CDH1: variants seen among roughly 807,000 people sequenced by gnomAD.
CDH1 encodes the protein cadherin 1.
Under a neutral mutation model 84.5 loss-of-function variants are expected in CDH1, and 35 were observed. The ratio of observed to expected loss-of-function variants is 0.41; its 90% confidence interval spans 0.32 to 0.55. The LOEUF is 0.55. Among genes scored for constraint, CDH1 ranks in the 20% least tolerant of loss-of-function variants. The pLI is 0.19. For missense variants in CDH1, 994 were observed against 1,126.6 expected, an observed-to-expected ratio of 0.88 and a Z score of 1.68; for synonymous variants, 417 against 439.0, an observed-to-expected ratio of 0.95 and a Z score of 0.63.
chr16:68,777,534 C>CTT (rs71148949), intron 2 of CDH1, among the ~76,000 whole-genome samples: 3,629 of 76,662 alleles, frequency 0.047, 173 homozygotes, highest in Middle Eastern at 0.069. Context: ...GTAATGTTTC[C>CTT]TTTTTTTTTT....
At chr16:68,794,851 TA>T (rs1385618107) in intron 2 of CDH1, among the ~76,000 whole-genome samples, 2 of 117,520 alleles carry the variant, frequency 1.7e-5, no homozygotes, top group Admixed American at 1.6e-4. Flanking sequence ...CATGCCCAGC[TA>T]TTTTTTTTTT....
intron 2 of CDH1, among the ~76,000 whole-genome samples, chr16:68,761,693 G>A (rs1959227674): frequency 6.6e-6 from 1 of 152,130 alleles, no homozygotes; most frequent in African/African-American, 2.4e-5. Flanking sequence ...TCACTGAAGG[G>A]GGACATTTGA....
In CDH1 at chr16:68,833,847, T is replaced by C; in HGVS notation, c.*348T>C. On this transcript the variant is annotated 3_prime_UTR_variant, in exon 16 of 16. Transcript: ENST00000261769. ...ATTTTCTTAAGGAATTTTGTCTCAC[T>C]TTTAAAAAGAAGGGGAGAAGTCAGC... 2.6e-6 allele frequency: 1 copy of C among 390,754 alleles called. No individual in the cohort carries two copies. The highest frequency in any genetic ancestry group is 4.7e-6 in the Non-Finnish European group (1 of 212,674). 24.2% of individuals were successfully genotyped at this position (390,754 alleles called of 1,614,324 possible). A position where few individuals can be genotyped will look rare whatever the true frequency, so the allele number is the denominator to read the frequency against.
chr16:68,819,249 A>G (rs749073636), intron 10 of CDH1, 31 bp from the exon 11 acceptor site: 57 of 1,613,830 alleles, frequency 3.5e-5, no homozygotes, highest in Non-Finnish European at 4.4e-5. Context: ...TGCTGGTCCT[A>G]TTCTAAAAGC....
intron 2 of CDH1, among the ~76,000 whole-genome samples, chr16:68,745,560 A>ATATGTATATATATATG (rs1962708430): frequency 7.6e-6 from 1 of 132,418 alleles, no homozygotes. Context: ...ATATATATAT[A>ATATGTATATATATATG]TATGTATATA....
At chr16:68,742,199 T>C (rs532245466) in intron 2 of CDH1, among the ~76,000 whole-genome samples, 14 of 152,324 alleles carry the variant, frequency 9.2e-5, no homozygotes, top group Non-Finnish European at 1.9e-4. Flanking sequence ...GGGCCTATAT[T>C]TCAGTGTTGA....
At chr16:68,824,320 C>T (rs1961261663) in intron 13 of CDH1, among the ~76,000 whole-genome samples, 4 of 152,092 alleles carry the variant, frequency 2.6e-5, no homozygotes, top group Admixed American at 2.6e-4. Context: ...CTAACCAGCT[C>T]CCAGGCGGTA....
intron 9 of CDH1, 125 bp from the exon 10 acceptor site, chr16:68,815,390 G>T: frequency 7.8e-7 from 1 of 1,274,018 alleles, no homozygotes; most frequent in South Asian, 1.4e-5. Flanking sequence ...AGTCATGGCA[G>T]AAACCACAGT....
At position 68,756,136 on chromosome 16, in the gene CDH1, T is replaced by G. The variant is rs1168623811; in HGVS notation, c.163+17725T>G. On this transcript the variant is annotated intron_variant, in intron 2 of 15. Coordinates refer to ENST00000261769, the MANE Select transcript of CDH1 (RefSeq NM_004360.5). ...AACAGGCATCATTTAGGGCATATTT[T>G]TTTTTTTTTTTTGTGCATGTATACG... is the stretch of plus-strand genomic sequence containing the variant. Among the ~76,000 whole-genome samples, 3 of 151,716 alleles carry G rather than the reference T, an allele frequency of 2.0e-5. No homozygotes were observed. In the East Asian group the frequency reaches 5.8e-4, roughly 29 times the overall value.
chr16:68,747,572 G>A (rs1434023432), intron 2 of CDH1, among the ~76,000 whole-genome samples: 1 of 152,084 alleles, frequency 6.6e-6, no homozygotes, highest in African/African-American at 2.4e-5. Flanking sequence ...TGGGGCACAG[G>A]GAACAGATTT....
intron 2 of CDH1, among the ~76,000 whole-genome samples, chr16:68,753,428 C>G (rs1364340403): frequency 2.7e-5 from 4 of 146,020 alleles, no homozygotes; most frequent in African/African-American, 1.1e-4. Flanking sequence ...CTCACTGCAA[C>G]CTCTGCCTCC....
chr16:68,738,198 C>T (rs1374343011), intron 1 of CDH1, 99 bp from the exon 2 acceptor site: 1 of 820,774 alleles, frequency 1.2e-6, no homozygotes, highest in Non-Finnish European at 2.0e-6. Flanking sequence ...TCCCCCAATC[C>T]CGACGCCGGG....
In CDH1 at chr16:68,773,359, C is replaced by T. The variant is rs1251607400; in HGVS notation, c.164-28311C>T. On this transcript the variant is annotated intron_variant, in intron 2 of 15. Coordinates refer to ENST00000261769, the MANE Select transcript of CDH1 (RefSeq NM_004360.5). ...TCACCCAGGCTGGAATGCAGTGGCA[C>T]AATCTTGGCTCACTGCAACTTCTGC... 2.7e-5 allele frequency among the ~76,000 whole-genome samples: 4 copies of T among 150,534 alleles called. No individual in the cohort carries two copies. The Admixed American group carries it at 2.7e-4, about 10-fold the overall frequency.
intron 7 of CDH1, 94 bp downstream of exon 7, chr16:68,811,953 G>A: frequency 2.7e-6 from 4 of 1,485,494 alleles, no homozygotes; most frequent in South Asian, 1.1e-5. Context: ...CCAGTTGTCA[G>A]TTAATACAGT....
Position 68,813,405 on chromosome 16 carries a change from G to T in CDH1, c.1230G>T (p.Glu410Asp). 1 of 1,614,150 alleles carries T rather than the reference G, an allele frequency of 6.2e-7. No individual in the cohort carries two copies. The highest frequency in any genetic ancestry group is 8.5e-7 in the Non-Finnish European group (1 of 1,180,018). ...ATGCCCCCAATACCCCAGCGTGGGA[G>T]GCTGTATACACCATATTGAATGATG... ...DADAPNTPAWEAVYTILNDDG... is the reference protein window; with the variant it reads ...DADAPNTPAWDAVYTILNDDG... The change falls in exon 9 of 16, where the codon GAG becomes GAT. Residue 410 changes from glutamate to aspartate, a missense_variant. Physicochemically the swap from Glu to Asp is conservative, Grantham distance 45 (BLOSUM62 2). This residue lies in a region of CDH1 where 769 missense variants were observed against 881.8 expected (regional missense o/e 0.87). Transcript: ENST00000261769.
At chr16:68,787,805 C>T (rs899896859) in intron 2 of CDH1, among the ~76,000 whole-genome samples, 1 of 150,402 alleles carries the variant, frequency 6.6e-6, no homozygotes, top group Non-Finnish European at 1.5e-5. Flanking sequence ...ATTATAGACA[C>T]CCACCACCAC....
At chr16:68,745,284 C>T (rs1166279023) in intron 2 of CDH1, among the ~76,000 whole-genome samples, 2 of 151,290 alleles carry the variant, frequency 1.3e-5, no homozygotes, top group African/African-American at 4.9e-5. Context: ...GAGTTTGAGA[C>T]CAGCCTGGGC....
chr16:68,780,446 G>A (rs1442556649), intron 2 of CDH1, among the ~76,000 whole-genome samples: 4 of 152,088 alleles, frequency 2.6e-5, no homozygotes, highest in African/African-American at 9.7e-5. Flanking sequence ...TGGGATTACA[G>A]GTGTGCACCA....
In CDH1 at chr16:68,833,794, ATCAG is replaced by A. The variant is rs1961562587; in HGVS notation, c.*296_*299del. On this transcript the variant is annotated 3_prime_UTR_variant, in exon 16 of 16. Transcript: ENST00000261769. The stretch of plus-strand genomic sequence containing the variant: ...AATATTCCAGAAGAACAACTTTAGC[ATCAG>A]AAGGTTCACCCAGCACCTTGCAGAT... 1 of 459,032 alleles carries A rather than the reference ATCAG, an allele frequency of 2.2e-6. No individual in the cohort carries two copies. The highest frequency in any genetic ancestry group is 4.0e-6 in the Non-Finnish European group (1 of 250,428). 28.4% of individuals were successfully genotyped at this position (459,032 alleles called of 1,614,324 possible). A position where few individuals can be genotyped will look rare whatever the true frequency, so the allele number is the denominator to read the frequency against.
Sources: allele counts gnomAD v4.1 joint callset (sites outside exome capture counted in the v4.1 genomes callset), GRCh38; gene constraint gnomAD v4.1.1; regional missense constraint gnomAD v4.1.1; transcripts MANE v1.5; gene names NCBI Gene and HGNC (gene_info 2026-07-23, HGNC 2026-07-21).